Variants in GLRA1 observed in about 807,000 individuals in gnomAD.
GLRA1 encodes glycine receptor subunit alpha-1.
GLRA1 carries 37 observed loss-of-function variants against 48.3 expected under a neutral mutation model. The ratio of observed to expected loss-of-function variants is 0.77; its 90% CI spans 0.59 to 1.01. GLRA1 has a LOEUF of 1.01. GLRA1 is among the 50% of genes least tolerant of loss of function. The pLI, the probability that GLRA1 is intolerant of heterozygous loss-of-function variation, is 0.00. For missense variants in GLRA1, 427 were observed against 571.0 expected (o/e 0.75, Z 2.57); for synonymous variants, 196 against 210.7 (o/e 0.93, Z 0.60).
chr5:151,885,535 C>T (rs543124480), intron 3 of GLRA1, among the ~76,000 whole-genome samples: 51 of 152,338 alleles, frequency 3.3e-4, no homozygotes, highest in African/African-American at 1.2e-3. Flanking sequence ...GGAAATAATT[C>T]TAAGCTGAGT....
intron 7 of GLRA1, among the ~76,000 whole-genome samples, chr5:151,830,730 T>TA (rs201317521): frequency 0.014 from 2,123 of 152,114 alleles, 51 homozygotes; most frequent in African/African-American, 0.049. Context: ...AAACAAATAA[T>TA]ACGAACTTTA....
intron 1 of GLRA1, among the ~76,000 whole-genome samples, chr5:151,912,774 G>C (rs11747690): frequency 0.025 from 3,757 of 152,296 alleles, 99 homozygotes; most frequent in Non-Finnish European, 0.032. Context: ...TTATCTATGA[G>C]GGGGTAGTGG....
chr5:151,902,014 A>C (rs1322066940), intron 1 of GLRA1, among the ~76,000 whole-genome samples: 1 of 152,174 alleles, frequency 6.6e-6, no homozygotes, highest in African/African-American at 2.4e-5. Context: ...CCCTCTGAGA[A>C]GCCTCTCTGG....
intron 3 of GLRA1, among the ~76,000 whole-genome samples, chr5:151,862,300 A>C (rs917151057): frequency 6.6e-6 from 1 of 152,246 alleles, no homozygotes; most frequent in Admixed American, 6.5e-5. Flanking sequence ...TTAAAGACTT[A>C]AATGTTAGAC....
chr5:151,832,198 C>T (rs1763443395), intron 7 of GLRA1, among the ~76,000 whole-genome samples: 1 of 152,208 alleles, frequency 6.6e-6, no homozygotes, highest in African/African-American at 2.4e-5. Flanking sequence ...GAGGAAAAGC[C>T]AGCACAAAAA....
chr5:151,868,206 A>G (rs1169285407), intron 3 of GLRA1, among the ~76,000 whole-genome samples: 2 of 152,192 alleles, frequency 1.3e-5, no homozygotes, highest in East Asian at 1.9e-4. Flanking sequence ...GCACACAGCA[A>G]TTCAATTGAC....
At chr5:151,877,055 G>A (rs1191332236) in intron 3 of GLRA1, among the ~76,000 whole-genome samples, 1 of 152,160 alleles carries the variant, frequency 6.6e-6, no homozygotes, top group Non-Finnish European at 1.5e-5. Context: ...GTGGCACCTG[G>A]AACTTGGACT....
chr5:151,919,218 G>T (rs1459599123), intron 1 of GLRA1, among the ~76,000 whole-genome samples: 1 of 147,164 alleles, frequency 6.8e-6, no homozygotes, highest in East Asian at 1.9e-4. Flanking sequence ...TAATAAAGAT[G>T]GGAAAAATAT....
chr5:151,886,633 TC>T, intron 3 of GLRA1, 87 bp downstream of exon 3: 1 of 1,002,838 alleles, frequency 1.0e-6, no homozygotes, highest in Non-Finnish European at 1.6e-6. Flanking sequence ...ATTCCCCACT[TC>T]CTTGGTGGAG....
intron 7 of GLRA1, among the ~76,000 whole-genome samples, chr5:151,836,360 T>C (rs545898229): frequency 4.6e-5 from 7 of 152,224 alleles, no homozygotes; most frequent in Non-Finnish European, 7.3e-5. Context: ...AGAATTAATA[T>C]TGTGAAAATG....
At chr5:151,880,915 C>T (rs937405641) in intron 3 of GLRA1, among the ~76,000 whole-genome samples, 1 of 152,222 alleles carries the variant, frequency 6.6e-6, no homozygotes, top group Admixed American at 6.5e-5. Context: ...TTCTTAAGTA[C>T]TTTCACATCT....
chr5:151,897,485 A>T (rs766927537), intron 1 of GLRA1, among the ~76,000 whole-genome samples: 13 of 152,134 alleles, frequency 8.5e-5, no homozygotes, highest in Non-Finnish European at 1.6e-4. Flanking sequence ...ACTAAAATAC[A>T]ATGGGTGAAT....
chr5:151,854,004 G>A (rs1442323498), intron 6 of GLRA1, among the ~76,000 whole-genome samples: 2 of 152,152 alleles, frequency 1.3e-5, no homozygotes, highest in Non-Finnish European at 2.9e-5. Flanking sequence ...ACATCACGTT[G>A]CATACCTTCG....
At chr5:151,868,279 T>A (rs1196891956) in intron 3 of GLRA1, among the ~76,000 whole-genome samples, 7 of 152,308 alleles carry the variant, frequency 4.6e-5, no homozygotes, top group African/African-American at 1.7e-4. Context: ...CCCTAAAAGC[T>A]CAAGTTCCTG....
rs550398028 is a variant in GLRA1, at chr5:151,865,780, C to A, written c.253-5772G>T. Among the ~76,000 whole-genome samples, 3 of 152,166 alleles carry A rather than the reference C, an allele frequency of 2.0e-5. No individual in the cohort carries two copies. The South Asian group carries it at 6.2e-4, about 32-fold the overall frequency. Reference sequence around the variant, plus strand: ...ACTAATGAAAAGTTAGAGCGAGAGACGGAGAATGTACCTTGGTGTCCTCAG... The same window carrying A: ...ACTAATGAAAAGTTAGAGCGAGAGAAGGAGAATGTACCTTGGTGTCCTCAG... On this transcript the variant is annotated intron_variant, in intron 3 of 8. Coordinates refer to ENST00000274576, the MANE Select transcript of GLRA1 (RefSeq NM_000171.4).
At chr5:151,857,486 G>A (rs1753077875) in intron 4 of GLRA1, among the ~76,000 whole-genome samples, 1 of 152,152 alleles carries the variant, frequency 6.6e-6, no homozygotes, top group African/African-American at 2.4e-5. Flanking sequence ...TTTAAGTTGA[G>A]CAGCACCCAT....
At chr5:151,920,111 A>T (rs1017784329) in intron 1 of GLRA1, among the ~76,000 whole-genome samples, 2 of 152,262 alleles carry the variant, frequency 1.3e-5, no homozygotes, top group South Asian at 2.1e-4. Context: ...GACTGGACAC[A>T]TAAGCACATG....
chr5:151,851,761 A>G (rs757328945), intron 6 of GLRA1, among the ~76,000 whole-genome samples, 157 bp from the exon 7 acceptor site: 2 of 152,248 alleles, frequency 1.3e-5, no homozygotes, highest in Non-Finnish European at 2.9e-5. Flanking sequence ...CCTTATGTAT[A>G]GTAAACTGGG....
At chr5:151,908,195 A>G (rs1307518847) in intron 1 of GLRA1, among the ~76,000 whole-genome samples, 1 of 152,220 alleles carries the variant, frequency 6.6e-6, no homozygotes, top group African/African-American at 2.4e-5. Flanking sequence ...AACATCAGCC[A>G]TGGGTCCCAC....
Sources: gnomAD v4.1 joint callset for allele counts (sites outside exome capture counted in the v4.1 genomes callset) on GRCh38, gnomAD v4.1.1 for gene constraint, MANE v1.5 for transcripts, NCBI Gene and HGNC (gene_info 2026-07-23, HGNC 2026-07-21) for gene names.